RAD51B: variants seen among roughly 807,000 people sequenced by gnomAD.
The protein encoded by RAD51B is DNA repair protein RAD51 homolog 2.
In RAD51B, 38 loss-of-function variants were observed where a neutral mutation model predicts 42.2. The observed-to-expected ratio is 0.90, with a 90% CI of 0.70 to 1.18. The LOEUF (loss-of-function observed/expected upper bound fraction) is 1.18. Among genes scored for constraint, RAD51B ranks in the 50% most tolerant of loss-of-function variants. The pLI is 0.00. For synonymous variants in RAD51B, 154 were observed against 145.2 expected, an observed-to-expected ratio of 1.06 and a Z score of -0.43; for missense variants, 373 against 400.7, an observed-to-expected ratio of 0.93 and a Z score of 0.59.
chr14:68,075,967 A>G (rs1399358470), intron 7 of RAD51B, among the ~76,000 whole-genome samples: 1 of 152,240 alleles, frequency 6.6e-6, no homozygotes, highest in Non-Finnish European at 1.5e-5. Flanking sequence ...CAGAGTTGCT[A>G]CTGACCGAAT....
At chr14:68,441,534 T>G (rs1239794490) in intron 9 of RAD51B, among the ~76,000 whole-genome samples, 7 of 74,270 alleles carry the variant, frequency 9.4e-5, no homozygotes, top group Non-Finnish European at 1.7e-4. Context: ...AGAGCAAGAC[T>G]CCATCTCAAA....
chr14:68,105,489 A>G (rs558401123), intron 7 of RAD51B, among the ~76,000 whole-genome samples: 24 of 152,080 alleles, frequency 1.6e-4, no homozygotes, highest in African/African-American at 5.5e-4. Flanking sequence ...GAGGAGGACT[A>G]TGGGCCTGGG....
intron 7 of RAD51B, among the ~76,000 whole-genome samples, chr14:67,909,064 T>A (rs2043877632): frequency 6.6e-6 from 1 of 152,208 alleles, no homozygotes. Context: ...GTATTAAAAC[T>A]TTTGTTTTAA....
chr14:67,845,512 G>A (rs899538633), intron 4 of RAD51B, among the ~76,000 whole-genome samples: 1 of 151,866 alleles, frequency 6.6e-6, no homozygotes, highest in Non-Finnish European at 1.5e-5. Flanking sequence ...TACAAAAAAT[G>A]CTAAAATTAG....
In RAD51B at chr14:68,367,543, G is replaced by A. The variant is rs144380393; in HGVS notation, c.854-43881G>A. On this transcript the variant is annotated intron_variant, in intron 8 of 10. Coordinates refer to ENST00000471583, the MANE Select transcript of RAD51B (RefSeq NM_133510.4). ...AGACATTTGAAAGGCAGGTTCATGA[G>A]GATTGAAGGAACATGTGGGAAGGGA... Among the ~76,000 whole-genome samples the A allele has an allele frequency of 2.2e-4, 33 of 152,336 alleles. 1 individual carries two copies. The highest frequency in any genetic ancestry group is 7.2e-4 in the African/African-American group (30 of 41,586).
chr14:68,040,719 A>C (rs982663156), intron 7 of RAD51B, among the ~76,000 whole-genome samples: 2 of 152,200 alleles, frequency 1.3e-5, no homozygotes, highest in African/African-American at 4.8e-5. Context: ...GCAAGCCAGA[A>C]CTTACCTGGG....
intron 7 of RAD51B, among the ~76,000 whole-genome samples, chr14:68,031,534 G>A (rs1429616284): frequency 6.6e-6 from 1 of 152,170 alleles, no homozygotes; most frequent in Non-Finnish European, 1.5e-5. Context: ...CATGGTGCCA[G>A]TAGAGTTGCT....
chr14:67,856,999 G>A (rs1030045476), intron 4 of RAD51B, among the ~76,000 whole-genome samples: 4 of 152,030 alleles, frequency 2.6e-5, no homozygotes, highest in Non-Finnish European at 5.9e-5. Flanking sequence ...GCCTATTCTG[G>A]TTTGGCATGT....
At chr14:68,075,061 G>T (rs1243623618) in intron 7 of RAD51B, among the ~76,000 whole-genome samples, 1 of 152,196 alleles carries the variant, frequency 6.6e-6, no homozygotes. Flanking sequence ...TGGAACCTTG[G>T]CAGTGGCGAT....
At chr14:68,086,174 T>C (rs1057430097) in intron 7 of RAD51B, among the ~76,000 whole-genome samples, 2 of 152,062 alleles carry the variant, frequency 1.3e-5, no homozygotes, top group Non-Finnish European at 2.9e-5. Flanking sequence ...AGAAGGGGAA[T>C]GGAGTGGGAA....
chr14:67,887,437 A>T, intron 7 of RAD51B: 1 of 353,636 alleles, frequency 2.8e-6, no homozygotes, highest in Non-Finnish European at 5.1e-6. Flanking sequence ...GATTTAAACG[A>T]TGTTTTTAAA....
chr14:68,265,147 A>G (rs1405555207), intron 7 of RAD51B, among the ~76,000 whole-genome samples: 1 of 152,242 alleles, frequency 6.6e-6, no homozygotes, highest in Non-Finnish European at 1.5e-5. Context: ...ATAGACCCTT[A>G]TCAACTTACG....
intron 7 of RAD51B, among the ~76,000 whole-genome samples, chr14:68,220,684 A>T (rs938807910): frequency 6.6e-5 from 10 of 152,220 alleles, no homozygotes; most frequent in South Asian, 2.1e-4. Context: ...TTTGCCAATG[A>T]TATGATGGTA....
At chr14:68,508,000 C>G (rs576428223) in intron 10 of RAD51B, among the ~76,000 whole-genome samples, 1 of 152,106 alleles carries the variant, frequency 6.6e-6, no homozygotes, top group East Asian at 1.9e-4. Flanking sequence ...CCAGGGGATC[C>G]ACTACACGCT....
chr14:68,224,925 T>C (rs1261850903), intron 7 of RAD51B, among the ~76,000 whole-genome samples: 1 of 152,068 alleles, frequency 6.6e-6, no homozygotes, highest in African/African-American at 2.4e-5. Context: ...ACTCCTGATC[T>C]CGTGATCCAC....
chr14:68,416,904 G>A (rs550925465), intron 9 of RAD51B, among the ~76,000 whole-genome samples: 25 of 152,224 alleles, frequency 1.6e-4, no homozygotes, highest in African/African-American at 6.0e-4. Flanking sequence ...AATCTTTGTT[G>A]CTATCTTCTA....
intron 7 of RAD51B, among the ~76,000 whole-genome samples, chr14:67,979,588 A>G (rs1295772309): frequency 6.6e-6 from 1 of 152,052 alleles, no homozygotes; most frequent in Non-Finnish European, 1.5e-5. Context: ...TCTCACCAAT[A>G]TTTCTCCCAA....
intron 7 of RAD51B, among the ~76,000 whole-genome samples, chr14:68,066,220 G>A (rs1165912120): frequency 1.3e-5 from 2 of 151,854 alleles, no homozygotes; most frequent in African/African-American, 4.8e-5. Flanking sequence ...AAATAAGGCA[G>A]GATAATAAAA....
chr14:68,268,885 G>A (rs1478518898), intron 7 of RAD51B, among the ~76,000 whole-genome samples: 2 of 152,196 alleles, frequency 1.3e-5, no homozygotes, highest in Non-Finnish European at 2.9e-5. Flanking sequence ...ATTTGAAAGT[G>A]TTTCCAACCA....
Sources: allele counts gnomAD v4.1 joint callset (sites outside exome capture counted in the v4.1 genomes callset), GRCh38; gene constraint gnomAD v4.1.1; transcripts MANE v1.5; gene names NCBI Gene and HGNC (gene_info 2026-07-23, HGNC 2026-07-21).